Variants in USP7 observed in about 807,000 individuals in gnomAD.
USP7 encodes ubiquitin specific peptidase 7.
Under a neutral mutation model 162.9 loss-of-function variants are expected in USP7, and 9 were observed. That is an observed-to-expected ratio of 0.06 (90% confidence interval 0.03 to 0.10). The LOEUF (loss-of-function observed/expected upper bound fraction) is 0.10. USP7 is among the 10% of genes least tolerant of loss of function. The pLI, the probability that USP7 is intolerant of heterozygous loss-of-function variation, is 1.00. For missense variants in USP7, 715 were observed against 1,373.7 expected (o/e 0.52, Z 7.58); for synonymous variants, 562 against 475.9 (o/e 1.18, Z -2.35).
At chr16:8,955,270 G>T (rs531154251) in intron 1 of USP7, among the ~76,000 whole-genome samples, 1 of 152,150 alleles carries the variant, frequency 6.6e-6, no homozygotes, top group Admixed American at 6.5e-5. Flanking sequence ...GACAGTATTG[G>T]GGCCAGTGTC....
chr16:8,911,887 C>G (rs574759227), intron 10 of USP7, among the ~76,000 whole-genome samples: 60 of 152,264 alleles, frequency 3.9e-4, no homozygotes, highest in African/African-American at 1.2e-3. Context: ...TCAGAGCTCA[C>G]GACAGGCTGG....
At chr16:8,945,326 G>C (rs1372099172) in intron 1 of USP7, among the ~76,000 whole-genome samples, 2 of 152,196 alleles carry the variant, frequency 1.3e-5, no homozygotes, top group African/African-American at 4.8e-5. Context: ...GGAGGTTGCA[G>C]TGAGCCAAGA....
chr16:8,896,035 C>G (rs1259766468), intron 26 of USP7, among the ~76,000 whole-genome samples: 1 of 151,888 alleles, frequency 6.6e-6, no homozygotes, highest in Non-Finnish European at 1.5e-5. Flanking sequence ...CGGGGTTTCA[C>G]CATGTTGGTT....
At chr16:8,944,936 C>T (rs1029537582) in intron 1 of USP7, among the ~76,000 whole-genome samples, 1 of 152,038 alleles carries the variant, frequency 6.6e-6, no homozygotes, top group Non-Finnish European at 1.5e-5. Context: ...GGCGAAACCT[C>T]GCCTCTACTA....
Position 8,919,109 on chromosome 16 carries a change from G to A in USP7, c.642C>T (p.Val214=), listed in dbSNP as rs772448433. 8.1e-6 allele frequency: 13 copies of A among 1,613,964 alleles called. No homozygotes were observed. Among genetic ancestry groups the A allele is most frequent in the African/African-American group, 6.7e-5 (5 of 74,914 alleles). The change falls in exon 6 of 31, where the codon GTC becomes GTT. Residue 214 remains valine (V), a synonymous_variant. Coordinates refer to ENST00000344836, the MANE Select transcript of USP7 (RefSeq NM_003470.3). ...AAGTCGCTCCCTGATTCTTTAAGCC[G>A]ACGTAGCCTGTGTGCTTCTTTGAAT... ...AWDSKKHTGY[V]GLKNQGATCY...
chr16:8,946,166 C>G (rs1337389019), intron 1 of USP7, among the ~76,000 whole-genome samples: 3 of 152,154 alleles, frequency 2.0e-5, no homozygotes, highest in Non-Finnish European at 4.4e-5. Context: ...AAAGGTAGCT[C>G]ACAATGAAAT....
intron 1 of USP7, chr16:8,935,655 C>T (rs568919210): frequency 2.6e-5 from 4 of 152,316 alleles, no homozygotes; most frequent in East Asian, 1.9e-4. Flanking sequence ...TCCCATAATA[C>T]GCATATCCCA....
intron 10 of USP7, among the ~76,000 whole-genome samples, chr16:8,913,791 C>A (rs1203076884): frequency 6.6e-6 from 1 of 151,982 alleles, no homozygotes; most frequent in Non-Finnish European, 1.5e-5. Context: ...TGCTCTGTTG[C>A]CCAGGCTGCA....
chr16:8,896,204 CGG>C (rs2061679580), intron 26 of USP7, among the ~76,000 whole-genome samples: 1 of 147,576 alleles, frequency 6.8e-6, no homozygotes, highest in Non-Finnish European at 1.5e-5. Context: ...AGGCAAGGCA[CGG>C]AGAGGGGGTC....
intron 1 of USP7, among the ~76,000 whole-genome samples, chr16:8,944,671 G>T (rs1899198390): frequency 6.6e-6 from 1 of 152,232 alleles, no homozygotes; most frequent in Non-Finnish European, 1.5e-5. Flanking sequence ...CAGGCTGCCA[G>T]TCTACTCTAG....
intron 1 of USP7, among the ~76,000 whole-genome samples, chr16:8,939,107 A>G (rs8059146): frequency 0.27 from 40,937 of 151,942 alleles, 7,367 homozygotes; most frequent in African/African-American, 0.52. Flanking sequence ...CCCAATGAAG[A>G]TTTCTCCACA....
At chr16:8,901,924 C>G in intron 18 of USP7, 158 bp downstream of exon 18, 4 of 665,596 alleles carry the variant, frequency 6.0e-6, no homozygotes, top group Non-Finnish European at 1.0e-5. Context: ...CCAAGTCAGT[C>G]TTATTTGACT....
intron 1 of USP7, among the ~76,000 whole-genome samples, chr16:8,930,683 T>C (rs569620941): frequency 1.3e-5 from 2 of 152,334 alleles, no homozygotes; most frequent in African/African-American, 2.4e-5. Flanking sequence ...AAATCTCTTA[T>C]GTAGGCCAGA....
rs191002984 is a variant in USP7, at chr16:8,912,679, C to T, written c.1079-1852G>A. Reference sequence around the variant, plus strand: ...AGGGCTGGGCATGGTCCCAGCACTTCGGGAGGCCAAGGCGGGCAGACTGAT... The same window carrying T: ...AGGGCTGGGCATGGTCCCAGCACTTTGGGAGGCCAAGGCGGGCAGACTGAT... On this transcript the variant is annotated intron_variant, in intron 10 of 30. Transcript: ENST00000344836. Among the ~76,000 whole-genome samples the T allele has an allele frequency of 1.4e-3, 217 of 151,024 alleles. 1 individual carries two copies. Among genetic ancestry groups the T allele is most frequent in the African/African-American group, 5.0e-3 (207 of 41,110 alleles).
At position 8,892,988 on chromosome 16, in the gene USP7, A is replaced by G. The variant is rs1284437396; in HGVS notation, c.*1010T>C. On this transcript the variant is annotated 3_prime_UTR_variant, in exon 31 of 31. Coordinates refer to ENST00000344836, the MANE Select transcript of USP7 (RefSeq NM_003470.3). ...CAAAATAAAAGGAAACGGGGCTGGG[A>G]CCGAAATAAAACTACACACAATGAA... 1 of 152,232 alleles carries G rather than the reference A, an allele frequency of 6.6e-6. No homozygotes were observed. Among genetic ancestry groups the G allele is most frequent in the Non-Finnish European group, 1.5e-5 (1 of 68,036 alleles). The allele number at this position is 152,232 out of a possible 1,614,324, so 9.4% of individuals were successfully genotyped here. A position where few individuals can be genotyped will look rare whatever the true frequency, so the allele number is the denominator to read the frequency against.
rs761257708 is a variant in USP7, at chr16:8,893,960, C to T, written c.*38G>A. 1 of 1,597,610 alleles carries T rather than the reference C, an allele frequency of 6.3e-7. No homozygotes were observed. Among genetic ancestry groups the T allele is most frequent in the African/African-American group, 1.3e-5 (1 of 74,680 alleles). On this transcript the variant is annotated 3_prime_UTR_variant, in exon 31 of 31. Transcript: ENST00000344836. ...AGTTCTAGGCTGTTAAGGGGCCACC[C>T]ACACACCGTCCTCGCCTTGAACACA...
At chr16:8,900,108 G>C (rs2061750432) in intron 21 of USP7, 2 of 385,606 alleles carry the variant, frequency 5.2e-6, no homozygotes, top group South Asian at 6.1e-5. Flanking sequence ...CTGACCGTGA[G>C]TCAGGAAATC....
intron 6 of USP7, among the ~76,000 whole-genome samples, chr16:8,918,403 T>C (rs556649212): frequency 1.2e-3 from 187 of 152,382 alleles, no homozygotes; most frequent in African/African-American, 4.2e-3. Context: ...GTAAGTTGCA[T>C]TGACTTTTCA....
intron 6 of USP7, among the ~76,000 whole-genome samples, chr16:8,917,992 A>G (rs1422753797): frequency 3.3e-5 from 5 of 151,516 alleles, no homozygotes; most frequent in African/African-American, 7.3e-5. Flanking sequence ...GGGTTTCACC[A>G]TGTTAGCCAG....
Sources: gnomAD v4.1 joint callset for allele counts (sites outside exome capture counted in the v4.1 genomes callset) on GRCh38, gnomAD v4.1.1 for gene constraint, MANE v1.5 for transcripts, NCBI Gene and HGNC (gene_info 2026-07-23, HGNC 2026-07-21) for gene names.